The following RABGEF1 variants were observed in gnomAD, a reference collection of about 807,000 sequenced individuals.
RABGEF1 encodes the protein rab5 GDP/GTP exchange factor.
In RABGEF1, 26 loss-of-function variants were observed where a neutral mutation model predicts 57.3. The ratio of observed to expected loss-of-function variants is 0.45; its 90% CI spans 0.33 to 0.63. The LOEUF (loss-of-function observed/expected upper bound fraction) is 0.63. RABGEF1 is among the 20% of genes least tolerant of loss of function. The pLI, the probability that RABGEF1 is intolerant of heterozygous loss-of-function variation, is 0.02. For missense variants in RABGEF1, 464 were observed against 607.6 expected (o/e 0.76, Z 2.48); for synonymous variants, 185 against 210.7 (o/e 0.88, Z 1.06).
intron 2 of RABGEF1, 147 bp from the exon 3 acceptor site, chr7:66,775,080 G>A: frequency 2.4e-6 from 2 of 823,128 alleles, no homozygotes; most frequent in Non-Finnish European, 3.7e-6. Context: ...CCATCCTGTA[G>A]CAATGTGAGA....
At chr7:66,781,827 T>G (rs1377770663) in intron 3 of RABGEF1, among the ~76,000 whole-genome samples, 2 of 152,230 alleles carry the variant, frequency 1.3e-5, no homozygotes, top group African/African-American at 4.8e-5. Context: ...GCAAGTCAGC[T>G]AGGCTCTGTT....
At chr7:66,758,912 A>G (rs919868983) in intron 1 of RABGEF1, among the ~76,000 whole-genome samples, 7 of 152,238 alleles carry the variant, frequency 4.6e-5, no homozygotes, top group Admixed American at 3.3e-4. Flanking sequence ...GGAACAATTA[A>G]TGACTTCAAA....
intron 2 of RABGEF1, among the ~76,000 whole-genome samples, chr7:66,730,473 C>G (rs192800187): frequency 6.6e-6 from 1 of 152,054 alleles, no homozygotes; most frequent in African/African-American, 2.4e-5. Context: ...CTCACTGCAG[C>G]GTCAACCTCC....
chr7:66,809,321 T>C lies in RABGEF1; in HGVS notation c.*37T>C. The C allele has an allele frequency of 6.4e-7, 1 of 1,563,940 alleles. No individual in the cohort carries two copies. Among genetic ancestry groups the C allele is most frequent in the Non-Finnish European group, 8.7e-7 (1 of 1,153,372 alleles). ...TGGAGAGTATTTATTTGAGCCTAAATTGTAGGTAGCCCTTACTACACTCAA... is the reference window on the plus strand; with the variant it reads ...TGGAGAGTATTTATTTGAGCCTAAACTGTAGGTAGCCCTTACTACACTCAA... On this transcript the variant is annotated 3_prime_UTR_variant, in exon 9 of 9. Coordinates refer to ENST00000284957, the MANE Select transcript of RABGEF1 (RefSeq NM_014504.3).
chr7:66,792,540 G>A (rs1179647518), intron 4 of RABGEF1, among the ~76,000 whole-genome samples: 1 of 152,170 alleles, frequency 6.6e-6, no homozygotes, highest in African/African-American at 2.4e-5. Flanking sequence ...TAGAGGAGAG[G>A]AACCTTGGAT....
At chr7:66,656,820 CAAAAA>C in the RABGEF1 span, among the ~76,000 whole-genome samples, 1 of 73,860 alleles carries the variant, frequency 1.4e-5, no homozygotes. Context: ...AACTGCATCT[CAAAAA>C]AAAAAAAAAA....
chr7:66,663,152 A>G, the RABGEF1 span, among the ~76,000 whole-genome samples: 1 of 152,252 alleles, frequency 6.6e-6, no homozygotes, highest in Non-Finnish European at 1.5e-5. Flanking sequence ...AACCCAACCT[A>G]TTCCTTTAAT....
chr7:66,687,794 A>G (rs909990596), intron 1 of RABGEF1, among the ~76,000 whole-genome samples: 3 of 152,232 alleles, frequency 2.0e-5, no homozygotes, highest in African/African-American at 7.2e-5. Context: ...TGCAAAAAGT[A>G]ACCAAATGAG....
upstream of RABGEF1, chr7:66,682,116 G>C (rs941953808): frequency 6.0e-6 from 1 of 167,600 alleles, no homozygotes; most frequent in Non-Finnish European, 1.5e-5. Flanking sequence ...GTGCCGGGGG[G>C]GCGGGGCAAG....
intron 1 of RABGEF1, among the ~76,000 whole-genome samples, chr7:66,746,822 C>T (rs544319399): frequency 6.7e-6 from 1 of 149,606 alleles, no homozygotes; most frequent in South Asian, 2.1e-4. Flanking sequence ...GACTGAGTTT[C>T]AGCCTTGTTG....
At chr7:66,683,822 T>G (rs1363350946) in intron 1 of RABGEF1, among the ~76,000 whole-genome samples, 2 of 151,946 alleles carry the variant, frequency 1.3e-5, no homozygotes, top group Non-Finnish European at 2.9e-5. Flanking sequence ...GTCACTGAAG[T>G]CTCAACTGCC....
intron 1 of RABGEF1, among the ~76,000 whole-genome samples, chr7:66,694,461 A>G (rs1227409923): frequency 6.6e-6 from 1 of 152,248 alleles, no homozygotes; most frequent in African/African-American, 2.4e-5. Flanking sequence ...AAGGTGGGAA[A>G]GGACCAGGCC....
intron 4 of RABGEF1, among the ~76,000 whole-genome samples, chr7:66,785,427 A>G (rs1810927860): frequency 2.0e-5 from 3 of 152,204 alleles, no homozygotes; most frequent in African/African-American, 7.2e-5. Flanking sequence ...GTCCCTAGAG[A>G]AGCCCTTTTG....
chr7:66,654,669 G>A, the RABGEF1 span: 1 of 152,522 alleles, frequency 6.6e-6, no homozygotes, highest in Non-Finnish European at 1.5e-5. Flanking sequence ...GCGGCTCTCA[G>A]CTACGGGAGC....
the RABGEF1 span, among the ~76,000 whole-genome samples, chr7:66,655,507 C>T: frequency 6.6e-6 from 1 of 152,064 alleles, no homozygotes; most frequent in African/African-American, 2.4e-5. Context: ...GAGCTACTTT[C>T]CCCCCCTAAA....
At chr7:66,787,684 A>G (rs920921467) in intron 4 of RABGEF1, among the ~76,000 whole-genome samples, 1 of 152,132 alleles carries the variant, frequency 6.6e-6, no homozygotes, top group African/African-American at 2.4e-5. Flanking sequence ...CAAGCTTCAC[A>G]CAGGTCTGAG....
At chr7:66,770,907 G>A (rs1718188612) in intron 1 of RABGEF1, among the ~76,000 whole-genome samples, 1 of 152,132 alleles carries the variant, frequency 6.6e-6, no homozygotes, top group African/African-American at 2.4e-5. Context: ...TTGGCTGTTG[G>A]TATGTCTTTG....
At chr7:66,742,737 G>C (rs1019679406) in intron 1 of RABGEF1, among the ~76,000 whole-genome samples, 7 of 152,114 alleles carry the variant, frequency 4.6e-5, no homozygotes, top group African/African-American at 1.2e-4. Flanking sequence ...CTCCCGAGTA[G>C]CTAAGACTGC....
intron 1 of RABGEF1, among the ~76,000 whole-genome samples, chr7:66,702,377 G>GTC (rs1793423753): frequency 6.6e-6 from 1 of 151,630 alleles, no homozygotes; most frequent in South Asian, 2.1e-4. Context: ...GTGTGTGTGT[G>GTC]TGTGTGTGTG....
Sources: gnomAD v4.1 joint callset for allele counts (sites outside exome capture counted in the v4.1 genomes callset) on GRCh38, gnomAD v4.1.1 for gene constraint, MANE v1.5 for transcripts, NCBI Gene and HGNC (gene_info 2026-07-23, HGNC 2026-07-21) for gene names.